Variants in CHD3 observed in about 807,000 individuals in gnomAD.
The protein encoded by CHD3 is ATP-dependent chromatin remodeler CHD3.
CHD3 carries 52 observed loss-of-function variants against 248.9 expected under a neutral mutation model. That is an observed-to-expected ratio of 0.21 (90% CI 0.17 to 0.26). The LOEUF (loss-of-function observed/expected upper bound fraction) is 0.26, where lower values mean the gene tolerates loss of function less well. CHD3 is among the 10% of genes least tolerant of loss of function. The probability of loss-of-function intolerance (pLI) is 1.00; values close to 1 mark genes in which losing one functional copy is unlikely to be tolerated. For missense variants in CHD3, 1,482 were observed against 2,605.8 expected (o/e 0.57, Z 9.39); for synonymous variants, 985 against 985.2 (o/e 1.00, Z 0.00).
rs756538652 is a variant in CHD3 at position 7,894,921 on chromosome 17, A to AG, written c.1276dup (p.Glu426GlyfsTer29). 6.2e-7 allele frequency: 1 copy of AG among 1,612,040 alleles called. No homozygotes were observed. The highest frequency in any genetic ancestry group is 8.5e-7 in the Non-Finnish European group (1 of 1,179,012). On this transcript the variant is annotated frameshift_variant, in exon 9 of 40. Coordinates refer to ENST00000330494, the MANE Select transcript of CHD3 (RefSeq NM_001005273.3). LOFTEE classifies it high-confidence loss of function. ...TGTCTATCCTTGGCCCCCTAGGAGA[A>AG]GGAGGGGGTCCAGTGGGAGGCCAAG...
intron 6 of CHD3, 51 bp downstream of exon 6, chr17:7,893,986 G>C: frequency 6.4e-7 from 1 of 1,571,710 alleles, no homozygotes; most frequent in Non-Finnish European, 8.6e-7. Flanking sequence ...AGGATCCAGA[G>C]ACAGGGATCC....
In CHD3 at chr17:7,899,892, G is replaced by A; in HGVS notation, c.2545-4G>A. ...AGCTGAATGGGCAATAATTATGTTG[G>A]CAGAGGGAGGCACAGGTGAAGTTCC... On this transcript the variant is annotated splice_region_variant and splice_polypyrimidine_tract_variant and intron_variant, in intron 15 of 39. Transcript: ENST00000330494. This position sits in a 1 kb window ranked among gnomAD's most constrained non-coding sequence, Gnocchi z 6.8. 6.2e-7 allele frequency: 1 copy of A among 1,611,212 alleles called. No homozygotes were observed. Among genetic ancestry groups the A allele is most frequent in the Non-Finnish European group, 8.5e-7 (1 of 1,178,516 alleles).
chr17:7,888,685 C>A, upstream of CHD3: 1 of 503,712 alleles, frequency 2.0e-6, no homozygotes, highest in South Asian at 4.0e-5. Context: ...CAGGTACAGG[C>A]CATCCTCTGG....
Position 7,889,885 on chromosome 17 carries a change from C to T in CHD3, c.213+109C>T. The stretch of plus-strand genomic sequence containing the variant: ...TGGTGTGGGGGTGGGGTTCTGAAGC[C>T]AGGGAGGCTTGATCCCCCGGGCCCC... On this transcript the variant is annotated intron_variant, in intron 2 of 39. Coordinates refer to ENST00000330494, the MANE Select transcript of CHD3 (RefSeq NM_001005273.3). This position sits in a 1 kb window ranked among gnomAD's most constrained non-coding sequence, Gnocchi z 4.5. 8.9e-7 allele frequency: 1 copy of T among 1,125,020 alleles called. No individual in the cohort carries two copies. The allele number at this position is 1,125,020 out of a possible 1,614,324, so 69.7% of individuals were successfully genotyped here. A position where few individuals can be genotyped will look rare whatever the true frequency, so the allele number is the denominator to read the frequency against.
Position 7,900,251 on chromosome 17 carries a change from T to A in CHD3, c.2683-39T>A, listed in dbSNP as rs552155964. 171 of 1,613,266 alleles carry A rather than the reference T, an allele frequency of 1.1e-4. 5 individuals are homozygous for A. The South Asian group carries it at 1.7e-3, about 16-fold the overall frequency. On this transcript the variant is annotated intron_variant, in intron 16 of 39. Transcript: ENST00000330494. The surrounding 1 kb of genome is among the most constrained non-coding windows in gnomAD (Gnocchi z 6.5). Reference sequence around the variant, plus strand: ...CTGTGGGTCGGTCACTTGTCACTAATAAGCCCATTTTCCTGCCTTGCCTTG... The same window carrying A: ...CTGTGGGTCGGTCACTTGTCACTAAAAAGCCCATTTTCCTGCCTTGCCTTG...
intron 4 of CHD3, among the ~76,000 whole-genome samples, chr17:7,891,913 G>A (rs1968924926): frequency 6.6e-6 from 1 of 151,860 alleles, no homozygotes; most frequent in African/African-American, 2.4e-5. Flanking sequence ...TTGGGGAGAA[G>A]GCACTTTAAC....
At position 7,904,786 on chromosome 17, in the gene CHD3, G is replaced by A. The variant is rs1351887727; in HGVS notation, c.4072+167G>A. On this transcript the variant is annotated intron_variant, in intron 25 of 39. Transcript: ENST00000330494. The surrounding 1 kb of genome is among the most constrained non-coding windows in gnomAD (Gnocchi z 4.4). ...GTCATTAGGAACTACCCAGAGGCCA[G>A]GTGGGTTTGCAGGAGATTTAAACTC... Among the ~76,000 whole-genome samples, 2 of 152,178 alleles carry A rather than the reference G, an allele frequency of 1.3e-5. No homozygotes were observed.
In CHD3 at chr17:7,910,691, C is replaced by T; in HGVS notation, c.5754+100C>T. On this transcript the variant is annotated intron_variant, in intron 38 of 39. Transcript: ENST00000330494. This position sits in a 1 kb window ranked among gnomAD's most constrained non-coding sequence, Gnocchi z 4.7. ...AATCCTATACAATATGGAAAAACAA[C>T]TTGCTAGAACACAGTCATCACCCTT... The T allele has an allele frequency of 2.0e-6, 3 of 1,515,024 alleles. No individual in the cohort carries two copies. The highest frequency in any genetic ancestry group is 2.7e-6 in the Non-Finnish European group (3 of 1,125,476). The allele number at this position is 1,515,024 out of a possible 1,614,324, so 93.8% of individuals were successfully genotyped here. A position where few individuals can be genotyped will look rare whatever the true frequency, so the allele number is the denominator to read the frequency against.
chr17:7,906,893 G>C lies in CHD3; in HGVS notation c.4528G>C (p.Gly1510Arg). The C allele has an allele frequency of 6.2e-7, 1 of 1,614,092 alleles. No homozygotes were observed. The highest frequency in any genetic ancestry group is 8.5e-7 in the Non-Finnish European group (1 of 1,180,008). The change falls in exon 30 of 40, where the codon GGG becomes CGG. Residue 1510 changes from glycine to arginine, a missense_variant. By Grantham distance (125) the Gly-to-Arg change is moderately radical. This residue lies in a region of CHD3 where 254 missense variants were observed against 266.7 expected (regional missense o/e 0.95). Transcript: ENST00000330494. This position sits in a 1 kb window ranked among gnomAD's most constrained non-coding sequence, Gnocchi z 5.0. ...KKVQEFEHIN[G>R]RWSMPELMPD... is the part of the protein sequence containing the mutation. ...GGTGCAGGAGTTTGAGCACATCAAT[G>C]GGCGTTGGTCAATGCCGGAACTGAT...
intron 20 of CHD3, 94 bp downstream of exon 20, chr17:7,901,469 C>A: frequency 2.1e-6 from 2 of 967,428 alleles, no homozygotes; most frequent in Non-Finnish European, 1.4e-6. Context: ...TGTGGCTGCT[C>A]TGGTGTGACA....
Position 7,889,110 on chromosome 17 carries a change from C to A in CHD3, c.100+10C>A. 1 of 1,614,098 alleles carries A rather than the reference C, an allele frequency of 6.2e-7. No homozygotes were observed. On this transcript the variant is annotated intron_variant, in intron 1 of 39. Transcript: ENST00000330494. The surrounding 1 kb of genome is among the most constrained non-coding windows in gnomAD (Gnocchi z 4.5). ...GGTGACAGGATGCCTGGTAATTATC[C>A]GAGGAAATGTAAATAGAGGCCTCCC...
At position 7,906,270 on chromosome 17, in the gene CHD3, C is replaced by T; in HGVS notation, c.4358+281C>T. 1 of 697,148 alleles carries T rather than the reference C, an allele frequency of 1.4e-6. No individual in the cohort carries two copies. The highest frequency in any genetic ancestry group is 2.6e-6 in the Non-Finnish European group (1 of 386,126). The allele number at this position is 697,148 out of a possible 1,614,324, so 43.2% of individuals were successfully genotyped here. A position where few individuals can be genotyped will look rare whatever the true frequency, so the allele number is the denominator to read the frequency against. The stretch of plus-strand genomic sequence containing the variant: ...TCCTAGCCTCACATTTACTTGACCA[C>T]AATAACCTGGCAGGAGGAGCTGGTG... On this transcript the variant is annotated intron_variant, in intron 28 of 39. Coordinates refer to ENST00000330494, the MANE Select transcript of CHD3 (RefSeq NM_001005273.3). The surrounding 1 kb of genome is among the most constrained non-coding windows in gnomAD (Gnocchi z 5.0).
In CHD3 at chr17:7,908,735, C is replaced by T; in HGVS notation, c.5300C>T (p.Ala1767Val). The T allele has an allele frequency of 6.2e-7, 1 of 1,614,092 alleles. No individual in the cohort carries two copies. Among genetic ancestry groups the T allele is most frequent in the Non-Finnish European group, 8.5e-7 (1 of 1,180,000 alleles). ...YARWQDIQND[A>V]QFAIINEPFK... The stretch of plus-strand genomic sequence containing the variant: ...CGGTGGCAGGACATCCAGAATGATG[C>T]TCAATTTGCCATTATCAACGAGCCA... The change falls in exon 36 of 40, where the codon GCT becomes GTT. Residue 1767 changes from alanine to valine, a missense_variant. Coordinates refer to ENST00000330494, the MANE Select transcript of CHD3 (RefSeq NM_001005273.3). The surrounding 1 kb of genome is among the most constrained non-coding windows in gnomAD (Gnocchi z 5.8).
chr17:7,906,207 G>C lies in CHD3; in HGVS notation c.4358+218G>C, dbSNP rs1333762063. On this transcript the variant is annotated intron_variant, in intron 28 of 39. Coordinates refer to ENST00000330494, the MANE Select transcript of CHD3 (RefSeq NM_001005273.3). The surrounding 1 kb of genome is among the most constrained non-coding windows in gnomAD (Gnocchi z 5.0). ...GTAGAGGGGCCAGGCATCCTCCCCA[G>C]GGGAGGGGCGTTGAAGCAAGGAGCC... is the stretch of plus-strand genomic sequence containing the variant. The C allele has an allele frequency of 1.2e-6, 1 of 807,576 alleles. No individual in the cohort carries two copies. Among genetic ancestry groups the C allele is most frequent in the Non-Finnish European group, 2.2e-6 (1 of 459,428 alleles). The allele number at this position is 807,576 out of a possible 1,614,324, so 50.0% of individuals were successfully genotyped here. A position where few individuals can be genotyped will look rare whatever the true frequency, so the allele number is the denominator to read the frequency against.
At chr17:7,901,683 G>T (rs555797727) in intron 20 of CHD3, among the ~76,000 whole-genome samples, 1 of 151,862 alleles carries the variant, frequency 6.6e-6, no homozygotes, top group Non-Finnish European at 1.5e-5. Context: ...GCTAATTTTT[G>T]TATTTTTAGT....
chr17:7,891,373 T>C (rs1386592510), intron 4 of CHD3, among the ~76,000 whole-genome samples: 1 of 152,126 alleles, frequency 6.6e-6, no homozygotes, highest in African/African-American at 2.4e-5. Flanking sequence ...CCCCAACAGC[T>C]CCATCTTCTG....
rs1234279079 is a variant in CHD3 at position 7,900,476 on chromosome 17, A to G, written c.2804+65A>G. 4 of 1,612,026 alleles carry G rather than the reference A, an allele frequency of 2.5e-6. No individual in the cohort carries two copies. The African/African-American group carries it at 5.3e-5, about 22-fold the overall frequency. On this transcript the variant is annotated intron_variant, in intron 17 of 39. Transcript: ENST00000330494. This position sits in a 1 kb window ranked among gnomAD's most constrained non-coding sequence, Gnocchi z 6.5. The stretch of plus-strand genomic sequence containing the variant: ...TGGAGCAGATAAAATGAGCTGGTAG[A>G]GGATTAATCTGAGGTGGTAAGTCTG...
At position 7,907,682 on chromosome 17, in the gene CHD3, CAG is replaced by C. The variant is rs967826828; in HGVS notation, c.5007_5008del (p.Asp1671PhefsTer10). Reference sequence around the variant, plus strand: ...CACAGGGAGAGGCCGGAGGGGGAAACAGGGGATTTGGGCAAGAGAGGTAATGG... The same window carrying C: ...CACAGGGAGAGGCCGGAGGGGGAAACGGGATTTGGGCAAGAGAGGTAATGG... On this transcript the variant is annotated frameshift_variant, in exon 33 of 40. Transcript: ENST00000330494. LOFTEE classifies it high-confidence loss of function. This position sits in a 1 kb window ranked among gnomAD's most constrained non-coding sequence, Gnocchi z 4.3. 7 of 1,534,774 alleles carry C rather than the reference CAG, an allele frequency of 4.6e-6. No homozygotes were observed. The highest frequency in any genetic ancestry group is 5.2e-6 in the Non-Finnish European group (6 of 1,147,070).
rs1391359096 is a variant in CHD3 at position 7,909,961 on chromosome 17, TTC to T, written c.5591-465_5591-464del. On this transcript the variant is annotated intron_variant, in intron 37 of 39. Coordinates refer to ENST00000330494, the MANE Select transcript of CHD3 (RefSeq NM_001005273.3). This position sits in a 1 kb window ranked among gnomAD's most constrained non-coding sequence, Gnocchi z 8.1. ...ATTCCTTGAATCTGTAATACTGACC[TTC>T]TAACCTCCCTCTCCCCTTACATATT... 2 of 245,346 alleles carry T rather than the reference TTC, an allele frequency of 8.2e-6. No homozygotes were observed. Among genetic ancestry groups the T allele is most frequent in the Non-Finnish European group, 1.6e-5 (2 of 123,978 alleles). The allele number at this position is 245,346 out of a possible 1,614,324, so 15.2% of individuals were successfully genotyped here. A position where few individuals can be genotyped will look rare whatever the true frequency, so the allele number is the denominator to read the frequency against.
Sources: gnomAD v4.1 joint callset for allele counts (sites outside exome capture counted in the v4.1 genomes callset) on GRCh38, gnomAD v4.1.1 for gene constraint, gnomAD v4.1.1 regional missense constraint, Gnocchi (gnomAD v3.1) non-coding constraint, MANE v1.5 for transcripts, NCBI Gene and HGNC (gene_info 2026-07-23, HGNC 2026-07-21) for gene names.